MTMR8: variants seen among roughly 807,000 people sequenced by gnomAD.
The protein encoded by MTMR8 is phosphatidylinositol-3,5-bisphosphate 3-phosphatase MTMR8.
A neutral mutation model predicts 39.3 loss-of-function variants in MTMR8; 65 were observed. The observed-to-expected ratio is 1.65, with a 90% confidence interval of 1.35 to 2.03. The LOEUF (loss-of-function observed/expected upper bound fraction) is 2.03, where lower values mean the gene tolerates loss of function less well. Among genes scored for constraint, MTMR8 ranks in the 30% most tolerant of loss-of-function variants. MTMR8 has a pLI of 0.00. For synonymous variants in MTMR8, 245 were observed against 185.2 expected (o/e 1.32, Z -2.62); for missense variants, 777 against 538.9 (o/e 1.44, Z -4.37).
At chrX:64,352,621 C>A (rs1923513653) in intron 4 of MTMR8, among the ~76,000 whole-genome samples, 1 of 111,725 alleles carries the variant, frequency 9.0e-6, no homozygotes, top group African/African-American at 3.2e-5. Context: ...TCTTTGTTAA[C>A]ATCACCACTA....
chrX:64,282,709 G>C (rs1921005191), intron 12 of MTMR8, among the ~76,000 whole-genome samples: 1 of 110,982 alleles, frequency 9.0e-6, no homozygotes, highest in Admixed American at 9.6e-5. Flanking sequence ...GAATAAAAAT[G>C]GATAAATTGG....
chrX:64,358,361 G>GAAGT (rs1478825650), intron 2 of MTMR8, among the ~76,000 whole-genome samples: 1 of 111,436 alleles, frequency 9.0e-6, no homozygotes, highest in Non-Finnish European at 1.9e-5. Flanking sequence ...GTTTTAAAAG[G>GAAGT]AAGTATTAAG....
chrX:64,304,012 A>AT (rs905343367), intron 12 of MTMR8, among the ~76,000 whole-genome samples: 4 of 111,696 alleles, frequency 3.6e-5, no homozygotes, highest in Non-Finnish European at 5.6e-5. Flanking sequence ...AAAAGTTATG[A>AT]TTTTTTTCAT....
chrX:64,381,304 G>T (rs1924411901), intron 1 of MTMR8, among the ~76,000 whole-genome samples: 1 of 111,958 alleles, frequency 8.9e-6, no homozygotes, highest in Middle Eastern at 4.6e-3. Flanking sequence ...GTATGAGGTG[G>T]TATCTCATTG....
chrX:64,383,686 C>T (rs773937051), intron 1 of MTMR8, among the ~76,000 whole-genome samples: 6 of 110,349 alleles, frequency 5.4e-5, no homozygotes, highest in Non-Finnish European at 7.6e-5. Flanking sequence ...CACACAATAT[C>T]ATGAGAACAG....
chrX:64,345,139 A>C lies in MTMR8; in HGVS notation c.771T>G (p.Tyr257Ter). The C allele has an allele frequency of 8.3e-7, 1 of 1,211,312 alleles. No individual in the cohort carries two copies. Among genetic ancestry groups the C allele is most frequent in the African/African-American group, 1.7e-5 (1 of 57,796 alleles). The change falls in exon 7 of 14, where the codon TAT becomes TAG. Residue 257 changes from tyrosine to a stop codon, truncating the protein, a stop_gained. Coordinates refer to ENST00000374852, the MANE Select transcript of MTMR8 (RefSeq NM_017677.4). LOFTEE classifies it high-confidence loss of function. ...AMANRAAGKGYENEDNYANIR... is the reference protein window; with the variant it reads ...AMANRAAGKG ...TGTTGGCATAGTTGTCTTCATTTTCATACCCCTTCCCAGCTGCTCGGTTGG... is the reference window on the plus strand; with the variant it reads ...TGTTGGCATAGTTGTCTTCATTTTCCTACCCCTTCCCAGCTGCTCGGTTGG...
intron 5 of MTMR8, among the ~76,000 whole-genome samples, chrX:64,349,283 C>T (rs183129595): frequency 6.0e-4 from 67 of 111,520 alleles, no homozygotes; most frequent in Non-Finnish European, 1.1e-3. Context: ...ACAAAAACAA[C>T]GTAACTATTT....
At position 64,343,639 on chromosome X, in the gene MTMR8, A is replaced by G. The variant is rs1229826170; in HGVS notation, c.947T>C (p.Ile316Thr). 8.3e-7 allele frequency: 1 copy of G among 1,202,473 alleles called. No individual in the cohort carries two copies. The highest frequency in any genetic ancestry group is 3.0e-5 in the East Asian group (1 of 33,661). The change falls in exon 8 of 14, where the codon ATT becomes ACT. Residue 316 changes from isoleucine (I) to threonine (T), a missense_variant. Ile to Thr is a moderately conservative substitution (Grantham distance 89, BLOSUM62 -1). Transcript: ENST00000374852. ...SSGWLRHIKAIMDAGIFITKA... is the reference protein window; with the variant it reads ...SSGWLRHIKATMDAGIFITKA... ...TGTAATGAAAATTCCAGCATCCATA[A>G]TAGCTTTAATGTGTCTTAACCACCC...
At chrX:64,309,347 T>C (rs1431603665) in intron 12 of MTMR8, among the ~76,000 whole-genome samples, 1 of 97,604 alleles carries the variant, frequency 1.0e-5, no homozygotes, top group Non-Finnish European at 1.9e-5. Context: ...AAGTATGCCA[T>C]TTTTTGTGTG....
rs138260246 is a variant in MTMR8, at chrX:64,331,569, C to T, written c.1340G>A (p.Arg447Gln). ...GNFLGNCQKD[R>Q]EDLRVYEKTH... ...AAAGTAAATTCACCTTAGATCTTCCCGATCCTTCTGGCAGTTACCAAGGAA... is the reference window on the plus strand; with the variant it reads ...AAAGTAAATTCACCTTAGATCTTCCTGATCCTTCTGGCAGTTACCAAGGAA... The change falls in exon 11 of 14, where the codon CGG becomes CAG. Residue 447 changes from arginine (R) to glutamine (Q), a missense_variant. By Grantham distance (43) the Arg-to-Gln change is conservative (BLOSUM62 1). Coordinates refer to ENST00000374852, the MANE Select transcript of MTMR8 (RefSeq NM_017677.4). 4.3e-5 allele frequency: 52 copies of T among 1,207,699 alleles called. No homozygotes were observed. In the African/African-American group the frequency reaches 7.5e-4, roughly 17 times the overall value.
At chrX:64,377,908 C>T (rs1167261405) in intron 1 of MTMR8, among the ~76,000 whole-genome samples, 1 of 111,639 alleles carries the variant, frequency 9.0e-6, no homozygotes, top group East Asian at 2.8e-4. Context: ...GCAGACTTCC[C>T]CCTTGCTGTT....
At chrX:64,372,648 T>C (rs1289823938) in intron 1 of MTMR8, among the ~76,000 whole-genome samples, 1 of 111,996 alleles carries the variant, frequency 8.9e-6, no homozygotes, top group Non-Finnish European at 1.9e-5. Flanking sequence ...TGTTTGCCTA[T>C]ATCAATAGTT....
chrX:64,331,780 A>C, intron 10 of MTMR8, 23 bp from the exon 11 acceptor site: 1 of 1,137,695 alleles, frequency 8.8e-7, no homozygotes, highest in Non-Finnish European at 1.2e-6. Flanking sequence ...AATAAAGGTA[A>C]AGAAAGACAC....
At chrX:64,370,164 A>T (rs1380349797) in intron 1 of MTMR8, among the ~76,000 whole-genome samples, 1 of 110,903 alleles carries the variant, frequency 9.0e-6, no homozygotes, top group African/African-American at 3.3e-5. Flanking sequence ...AATGCAATAC[A>T]CCTGAGGTTA....
At chrX:64,347,462 A>C (rs933480122) in intron 6 of MTMR8, among the ~76,000 whole-genome samples, 13 of 111,970 alleles carry the variant, frequency 1.2e-4, no homozygotes, top group Non-Finnish European at 2.4e-4. Context: ...CCTGAACAGA[A>C]AGGGAAATTA....
intron 1 of MTMR8, among the ~76,000 whole-genome samples, chrX:64,376,345 G>A (rs776205576): frequency 1.3e-4 from 15 of 112,170 alleles, no homozygotes; most frequent in East Asian, 2.8e-4. Flanking sequence ...TTGAATGGTC[G>A]TGACCAAAAT....
chrX:64,331,747 G>A lies in MTMR8; in HGVS notation c.1162C>T (p.Leu388Phe). The part of the protein sequence containing the change: ...GHKFSQRCGH[L>F]DGDSKEVSPI... ...GACACTTCTTTAGAGTCCCCATCGAGGTGGCCACACCTGAGAGATGAAAAT... is the reference window on the plus strand; with the variant it reads ...GACACTTCTTTAGAGTCCCCATCGAAGTGGCCACACCTGAGAGATGAAAAT... The change falls in exon 11 of 14, where the codon CTC (leucine) becomes TTC (phenylalanine). Residue 388 changes from leucine (L) to phenylalanine (F), a missense_variant. Coordinates refer to ENST00000374852, the MANE Select transcript of MTMR8 (RefSeq NM_017677.4). 1.7e-6 allele frequency: 2 copies of A among 1,205,716 alleles called. No homozygotes were observed. The highest frequency in any genetic ancestry group is 2.2e-5 in the Admixed American group (1 of 45,853).
At chrX:64,341,898 G>A (rs1243742412) in intron 8 of MTMR8, among the ~76,000 whole-genome samples, 1 of 111,937 alleles carries the variant, frequency 8.9e-6, no homozygotes, top group Non-Finnish European at 1.9e-5. Flanking sequence ...CTTTGATAAT[G>A]TACATGTATT....
chrX:64,340,808 A>G (rs1923195144), intron 8 of MTMR8, among the ~76,000 whole-genome samples: 1 of 111,863 alleles, frequency 8.9e-6, no homozygotes, highest in South Asian at 3.8e-4. Flanking sequence ...TTAAAGAAAT[A>G]CAAATTAAAA....
Sources: allele counts gnomAD v4.1 joint callset (sites outside exome capture counted in the v4.1 genomes callset), GRCh38; gene constraint gnomAD v4.1.1; transcripts MANE v1.5; gene names NCBI Gene and HGNC (gene_info 2026-07-23, HGNC 2026-07-21).